The following NUP160 variants were observed in gnomAD, a reference collection of about 807,000 sequenced individuals.
The protein encoded by NUP160 is nuclear pore complex protein Nup160.
Under a neutral mutation model 196.9 loss-of-function variants are expected in NUP160, and 94 were observed. That is an observed-to-expected ratio of 0.48 (90% CI 0.40 to 0.57). NUP160 has a LOEUF of 0.57. Ranked by LOEUF, NUP160 falls within the 20% of genes least tolerant of loss-of-function variation. NUP160 has a pLI of 0.00. For synonymous variants in NUP160, 605 were observed against 619.7 expected, an observed-to-expected ratio of 0.98 and a Z score of 0.35; for missense variants, 1,638 against 1,748.3, an observed-to-expected ratio of 0.94 and a Z score of 1.13.
intron 34 of NUP160, among the ~76,000 whole-genome samples, chr11:47,782,302 AAATATATATATATATATATATAT>A (rs1434085340): frequency 0.012 from 506 of 42,600 alleles, 94 homozygotes; most frequent in South Asian, 0.037. Context: ...AAAAAAAAAA[AAATATATATATATATATATATAT>A]ATATATATAT....
In NUP160 at chr11:47,813,302, A is replaced by G. The variant is rs775606872; in HGVS notation, c.1786+14T>C. Reference sequence around the variant, plus strand: ...AGGAAGGGGATTAAATATGGACATAACAATTACTATTACCATCAGATATGG... The same window carrying G: ...AGGAAGGGGATTAAATATGGACATAGCAATTACTATTACCATCAGATATGG... On this transcript the variant is annotated intron_variant, in intron 14 of 35. Coordinates refer to ENST00000378460, the Ensembl canonical transcript of NUP160. 6.6e-7 allele frequency: 1 copy of G among 1,523,070 alleles called. No individual in the cohort carries two copies. Among genetic ancestry groups the G allele is most frequent in the Non-Finnish European group, 9.1e-7 (1 of 1,097,562 alleles). The allele number at this position is 1,523,070 out of a possible 1,614,324, so 94.3% of individuals were successfully genotyped here.
At chr11:47,814,134 C>A (rs1449960579) in intron 13 of NUP160, among the ~76,000 whole-genome samples, 2 of 123,112 alleles carry the variant, frequency 1.6e-5, no homozygotes, top group Admixed American at 9.3e-5. Flanking sequence ...ACAGCAAGAC[C>A]CTGCCTCAAA....
chr11:47,802,609 G>A (rs2097674856), intron 22 of NUP160, among the ~76,000 whole-genome samples: 1 of 151,912 alleles, frequency 6.6e-6, no homozygotes, highest in African/African-American at 2.4e-5. Context: ...TAGAACATCA[G>A]GGAAAAAATT....
chr11:47,837,447 A>G, intron 5 of NUP160, 98 bp downstream of exon 5: 1 of 904,198 alleles, frequency 1.1e-6, no homozygotes, highest in Non-Finnish European at 1.8e-6. Flanking sequence ...TTCCAGTATA[A>G]TGTTTGCCTT....
At chr11:47,833,534 C>T (rs1310217028) in intron 7 of NUP160, among the ~76,000 whole-genome samples, 2 of 151,892 alleles carry the variant, frequency 1.3e-5, no homozygotes, top group Admixed American at 6.6e-5. Context: ...GCCAATGATA[C>T]ATTTCAAGTT....
intron 33 of NUP160, among the ~76,000 whole-genome samples, chr11:47,783,847 T>C (rs1244095018): frequency 6.6e-6 from 1 of 151,892 alleles, no homozygotes; most frequent in Non-Finnish European, 1.5e-5. Flanking sequence ...GCACGCACCA[T>C]CACATCCAGA....
At chr11:47,789,174 GC>G (rs1360259895) in intron 29 of NUP160, among the ~76,000 whole-genome samples, 5 of 152,132 alleles carry the variant, frequency 3.3e-5, no homozygotes, top group Non-Finnish European at 7.4e-5. Context: ...ACTGTGCCCA[GC>G]CTAAAAAATT....
At chr11:47,846,758 A>T (rs925683933) in intron 2 of NUP160, among the ~76,000 whole-genome samples, 18 of 152,186 alleles carry the variant, frequency 1.2e-4, no homozygotes, top group African/African-American at 3.9e-4. Flanking sequence ...AAATACATTT[A>T]AAAAAATTTA....
chr11:47,809,132 T>C (rs1031033368), intron 17 of NUP160, among the ~76,000 whole-genome samples: 2 of 150,004 alleles, frequency 1.3e-5, no homozygotes, highest in Admixed American at 6.7e-5. Context: ...GCCTGAGTGG[T>C]GGTATGTGCC....
At chr11:47,825,766 T>G (rs924361154) in intron 7 of NUP160, among the ~76,000 whole-genome samples, 10 of 152,146 alleles carry the variant, frequency 6.6e-5, no homozygotes, top group African/African-American at 2.2e-4. Flanking sequence ...GTATTTTTAG[T>G]AGAGACAGCG....
intron 7 of NUP160, among the ~76,000 whole-genome samples, chr11:47,833,224 C>G (rs571021177): frequency 6.6e-5 from 10 of 151,978 alleles, no homozygotes; most frequent in Non-Finnish European, 1.2e-4. Flanking sequence ...GAGGCTGAGG[C>G]GGGTGGATCA....
chr11:47,807,844 A>G (rs537679385), intron 18 of NUP160, among the ~76,000 whole-genome samples: 1 of 152,254 alleles, frequency 6.6e-6, no homozygotes, highest in South Asian at 2.1e-4. Flanking sequence ...AGTATAATAC[A>G]TAATTTATTT....
At chr11:47,814,284 T>A (rs577489982) in intron 13 of NUP160, among the ~76,000 whole-genome samples, 5 of 152,218 alleles carry the variant, frequency 3.3e-5, no homozygotes, top group South Asian at 4.1e-4. Flanking sequence ...TATATTAGAT[T>A]GGATCCTGGA....
intron 33 of NUP160, among the ~76,000 whole-genome samples, chr11:47,784,174 G>C (rs1565185614): frequency 6.6e-6 from 1 of 152,138 alleles, no homozygotes. Flanking sequence ...ATCAAATTAG[G>C]AGCTTCTTAA....
At chr11:47,812,270 CAA>C (rs777544912) in intron 16 of NUP160, 30 bp downstream of exon 16, 1 of 1,613,534 alleles carries the variant, frequency 6.2e-7, no homozygotes, top group South Asian at 1.1e-5. Flanking sequence ...TTGTTTTAAT[CAA>C]AGAGGCACAT....
rs564143343 is a variant in NUP160 at position 47,815,879 on chromosome 11, G to A, written c.1515+67C>T. On this transcript the variant is annotated intron_variant, in intron 12 of 35. Transcript: ENST00000378460. The stretch of plus-strand genomic sequence containing the variant: ...AAGTGAAGAATTCCAGTAATTCCTC[G>A]GTCAGTACCAATCTGCCCTATATCA... 1.2e-4 allele frequency: 150 copies of A among 1,228,640 alleles called. 1 individual carries two copies. The East Asian group carries it at 3.4e-3, about 28-fold the overall frequency. The allele number at this position is 1,228,640 out of a possible 1,614,324, so 76.1% of individuals were successfully genotyped here.
At chr11:47,788,704 T>A in intron 29 of NUP160, 93 bp from the exon 30 acceptor site, 1 of 735,584 alleles carries the variant, frequency 1.4e-6, no homozygotes, top group Non-Finnish European at 2.3e-6. Flanking sequence ...GAACATTAAG[T>A]AACATTCAAT....
At chr11:47,791,979 A>C (rs1269112687) in exon 29 of NUP160, 1 of 1,610,254 alleles carries the variant, frequency 6.2e-7, no homozygotes, top group Middle Eastern at 1.7e-4. Flanking sequence ...GGGATGCTCC[A>C]GGGCGATCAT....
intron 7 of NUP160, among the ~76,000 whole-genome samples, chr11:47,823,162 T>G (rs1360108155): frequency 6.6e-6 from 1 of 152,170 alleles, no homozygotes; most frequent in African/African-American, 2.4e-5. Context: ...AATTTTTTCT[T>G]TTTCACCCAC....
Sources: gnomAD v4.1 joint callset for allele counts (sites outside exome capture counted in the v4.1 genomes callset) on GRCh38, gnomAD v4.1.1 for gene constraint, MANE v1.5 for transcripts, NCBI Gene and HGNC (gene_info 2026-07-23, HGNC 2026-07-21) for gene names.